The following PKNOX2 variants were observed in gnomAD, a reference collection of about 807,000 sequenced individuals.
The protein encoded by PKNOX2 is PBX/knotted 1 homeobox 2.
In PKNOX2, 14 loss-of-function variants were observed where a neutral mutation model predicts 53.1. The ratio of observed to expected loss-of-function variants is 0.26; its 90% CI spans 0.17 to 0.41. PKNOX2 has a LOEUF of 0.41. PKNOX2 is among the 10% of genes least tolerant of loss of function. The pLI is 1.00. For synonymous variants in PKNOX2, 257 were observed against 242.8 expected (o/e 1.06, Z -0.54); for missense variants, 496 against 602.8 (o/e 0.82, Z 1.85).
intron 5 of PKNOX2, among the ~76,000 whole-genome samples, chr11:125,376,522 A>G (rs1303323634): frequency 6.6e-6 from 1 of 152,102 alleles, no homozygotes. Flanking sequence ...CAGAGCCCCA[A>G]AGAAGGCAGG....
intron 2 of PKNOX2, among the ~76,000 whole-genome samples, chr11:125,325,384 C>T (rs1323893889): frequency 6.6e-6 from 1 of 152,178 alleles, no homozygotes; most frequent in Non-Finnish European, 1.5e-5. Flanking sequence ...AATTCAGTGA[C>T]ACAGCCTGGA....
intron 4 of PKNOX2, among the ~76,000 whole-genome samples, chr11:125,366,640 T>A (rs113236256): frequency 4.0e-4 from 61 of 152,290 alleles, no homozygotes; most frequent in African/African-American, 1.3e-3. Context: ...AGAGGTAGCA[T>A]CTGAGCGGAG....
chr11:125,417,081 G>A (rs913314320), intron 10 of PKNOX2, among the ~76,000 whole-genome samples: 2 of 152,000 alleles, frequency 1.3e-5, no homozygotes, highest in Non-Finnish European at 2.9e-5. Flanking sequence ...GCTGAAAGAG[G>A]CCACACTCCT....
chr11:125,319,055 G>A (rs1197545132), intron 2 of PKNOX2, among the ~76,000 whole-genome samples: 1 of 152,154 alleles, frequency 6.6e-6, no homozygotes, highest in Admixed American at 6.5e-5. Flanking sequence ...TGTGAAAACA[G>A]ACTAATACAC....
intron 4 of PKNOX2, among the ~76,000 whole-genome samples, chr11:125,357,135 C>G (rs900453206): frequency 1.3e-5 from 2 of 152,232 alleles, no homozygotes; most frequent in Admixed American, 6.5e-5. Flanking sequence ...TCCCTTGCTT[C>G]GACTCACCAA....
At chr11:125,218,179 C>T (rs1234817775) in intron 1 of PKNOX2, among the ~76,000 whole-genome samples, 1 of 151,908 alleles carries the variant, frequency 6.6e-6, no homozygotes, top group African/African-American at 2.4e-5. Flanking sequence ...TGGGAACAAA[C>T]AGGATGAAAG....
intron 2 of PKNOX2, among the ~76,000 whole-genome samples, chr11:125,320,434 T>C (rs1949456029): frequency 6.6e-6 from 1 of 152,072 alleles, no homozygotes; most frequent in Non-Finnish European, 1.5e-5. Context: ...ATGAATGGGC[T>C]GGGCTTGGAG....
rs1954767901 is a variant in PKNOX2, at chr11:125,165,205, T to C, written c.-201+429T>C. Among the ~76,000 whole-genome samples, 1 of 151,134 alleles carries C rather than the reference T, an allele frequency of 6.6e-6. No homozygotes were observed. The highest frequency in any genetic ancestry group is 6.6e-5 in the Admixed American group (1 of 15,182). On this transcript the variant is annotated intron_variant, in intron 1 of 12. Coordinates refer to ENST00000298282, the MANE Select transcript of PKNOX2 (RefSeq NM_001382323.2). This position sits in a 1 kb window ranked among gnomAD's most constrained non-coding sequence, Gnocchi z 4.5. ...TGGGCCCGTGGCCGGCCGCGCATTGTCCTCGGGTGCAAGGAGCCGGGCTGC... is the reference window on the plus strand; with the variant it reads ...TGGGCCCGTGGCCGGCCGCGCATTGCCCTCGGGTGCAAGGAGCCGGGCTGC...
chr11:125,373,404 C>A (rs1330086116), intron 5 of PKNOX2, among the ~76,000 whole-genome samples: 7 of 152,220 alleles, frequency 4.6e-5, no homozygotes, highest in African/African-American at 1.7e-4. Context: ...CTGGTTCACA[C>A]TCTAGCTCCA....
At chr11:125,427,187 G>A (rs1272953997) in intron 10 of PKNOX2, among the ~76,000 whole-genome samples, 2 of 152,208 alleles carry the variant, frequency 1.3e-5, no homozygotes, top group East Asian at 3.8e-4. Context: ...CAGAGTCCTT[G>A]CCTCTCTGCC....
chr11:125,430,157 G>C lies in PKNOX2; in HGVS notation c.1192+16G>C, dbSNP rs771857341. 31 of 1,612,296 alleles carry C rather than the reference G, an allele frequency of 1.9e-5. No individual in the cohort carries two copies. Among genetic ancestry groups the C allele is most frequent in the Middle Eastern group, 1.6e-4 (1 of 6,068 alleles). ...AACCCCGATGGTAAGAACTGGGGCT[G>C]AGTGCACCCTAGACAAGGGCTGGGG... On this transcript the variant is annotated intron_variant, in intron 12 of 12. Coordinates refer to ENST00000298282, the MANE Select transcript of PKNOX2 (RefSeq NM_001382323.2).
At chr11:125,322,723 C>T (rs549933981) in intron 2 of PKNOX2, among the ~76,000 whole-genome samples, 6 of 152,152 alleles carry the variant, frequency 3.9e-5, no homozygotes, top group Non-Finnish European at 8.8e-5. Flanking sequence ...CCCCCAGATC[C>T]CCCAGAGTGT....
chr11:125,382,288 G>A (rs1380696555), intron 5 of PKNOX2, among the ~76,000 whole-genome samples: 1 of 152,200 alleles, frequency 6.6e-6, no homozygotes, highest in African/African-American at 2.4e-5. Context: ...TTGACAGCCT[G>A]CATATAACCT....
At chr11:125,219,215 T>C (rs1345489385) in intron 1 of PKNOX2, among the ~76,000 whole-genome samples, 1 of 151,952 alleles carries the variant, frequency 6.6e-6, no homozygotes, top group Non-Finnish European at 1.5e-5. Context: ...AAGCAGATCA[T>C]CTGAGGTTAG....
chr11:125,218,997 C>T (rs551179720), intron 1 of PKNOX2, among the ~76,000 whole-genome samples: 8 of 152,286 alleles, frequency 5.3e-5, no homozygotes, highest in African/African-American at 1.7e-4. Flanking sequence ...CCAGGCATCA[C>T]ACCCATGTCC....
intron 7 of PKNOX2, among the ~76,000 whole-genome samples, chr11:125,406,184 C>T (rs945749966): frequency 1.3e-5 from 2 of 152,170 alleles, no homozygotes; most frequent in African/African-American, 2.4e-5. Flanking sequence ...AACATGTGCT[C>T]CCCACGGGGT....
intron 1 of PKNOX2, among the ~76,000 whole-genome samples, chr11:125,201,406 C>T (rs891981426): frequency 1.3e-5 from 2 of 152,156 alleles, no homozygotes; most frequent in Admixed American, 6.5e-5. Context: ...AGCAGCCTCC[C>T]TCCAAAGTTC....
intron 1 of PKNOX2, among the ~76,000 whole-genome samples, chr11:125,176,771 G>C (rs1340228154): frequency 6.6e-6 from 1 of 152,182 alleles, no homozygotes; most frequent in East Asian, 1.9e-4. Flanking sequence ...TGAACAAGGT[G>C]AGAGGAAGAC....
intron 1 of PKNOX2, among the ~76,000 whole-genome samples, chr11:125,171,901 C>A (rs11219939): frequency 0.18 from 27,997 of 152,130 alleles, 4,175 homozygotes; most frequent in African/African-American, 0.41. Context: ...ATACACAGAC[C>A]TGAGAGATGA....
Sources: allele counts gnomAD v4.1 joint callset (sites outside exome capture counted in the v4.1 genomes callset), GRCh38; gene constraint gnomAD v4.1.1; non-coding constraint Gnocchi (gnomAD v3.1); transcripts MANE v1.5; gene names NCBI Gene and HGNC (gene_info 2026-07-23, HGNC 2026-07-21).